Variants in RSRC1 observed in about 807,000 individuals in gnomAD.
The protein encoded by RSRC1 is serine/Arginine-related protein 53.
Under a neutral mutation model 49.1 loss-of-function variants are expected in RSRC1, and 39 were observed. The observed-to-expected ratio is 0.79, with a 90% CI of 0.61 to 1.04. RSRC1 has a LOEUF of 1.04. RSRC1 is among the 50% of genes least tolerant of loss of function. RSRC1 has a pLI of 0.00. For missense variants in RSRC1, 388 were observed against 402.4 expected (o/e 0.96, Z 0.31); for synonymous variants, 143 against 130.8 (o/e 1.09, Z -0.63).
At chr3:158,350,778 A>G (rs1730829094) in intron 5 of RSRC1, among the ~76,000 whole-genome samples, 1 of 152,160 alleles carries the variant, frequency 6.6e-6, no homozygotes. Flanking sequence ...TCATTAAGGT[A>G]TAATTTCTGG....
At chr3:158,346,072 G>A (rs2108223881) in intron 5 of RSRC1, among the ~76,000 whole-genome samples, 1 of 152,124 alleles carries the variant, frequency 6.6e-6, no homozygotes, top group East Asian at 1.9e-4. Flanking sequence ...AAACTTCTAG[G>A]TATAAATACA....
intron 3 of RSRC1, among the ~76,000 whole-genome samples, chr3:158,175,089 A>G (rs778776719): frequency 6.6e-5 from 10 of 151,980 alleles, no homozygotes; most frequent in Non-Finnish European, 1.2e-4. Context: ...GCACATTTTC[A>G]TGTTTTAGTT....
intron 6 of RSRC1, among the ~76,000 whole-genome samples, chr3:158,357,893 T>G (rs1731245039): frequency 6.6e-6 from 1 of 152,212 alleles, no homozygotes. Context: ...GCAGCATAAC[T>G]TGATAGATAA....
chr3:158,345,063 TA>T (rs764384812), intron 5 of RSRC1, among the ~76,000 whole-genome samples: 6,903 of 135,200 alleles, frequency 0.051, 180 homozygotes, highest in East Asian at 0.11. Flanking sequence ...TACTAAAAAA[TA>T]AAAAAAAAAA....
At chr3:158,127,299 A>G (rs149893515) in intron 3 of RSRC1, among the ~76,000 whole-genome samples, 5 of 152,224 alleles carry the variant, frequency 3.3e-5, no homozygotes, top group Non-Finnish European at 7.4e-5. Context: ...CTATAACTCC[A>G]TAATACGTAT....
At chr3:158,522,886 T>C (rs899685519) in intron 7 of RSRC1, among the ~76,000 whole-genome samples, 19 of 152,070 alleles carry the variant, frequency 1.2e-4, no homozygotes, top group African/African-American at 4.8e-5. Context: ...CAGTGACACC[T>C]GAATACATTT....
At chr3:158,232,549 A>G (rs1349553528) in intron 4 of RSRC1, among the ~76,000 whole-genome samples, 1 of 152,200 alleles carries the variant, frequency 6.6e-6, no homozygotes, top group Non-Finnish European at 1.5e-5. Context: ...AAACAAGTAT[A>G]TAGAACCTTG....
intron 1 of RSRC1, among the ~76,000 whole-genome samples, chr3:158,113,422 G>A (rs376746242): frequency 3.4e-5 from 5 of 148,818 alleles, no homozygotes; most frequent in Non-Finnish European, 7.4e-5. Context: ...AGGCTGGAGT[G>A]CAGTGGTGCG....
chr3:158,190,383 T>C (rs1720166938), intron 3 of RSRC1, among the ~76,000 whole-genome samples: 1 of 151,950 alleles, frequency 6.6e-6, no homozygotes, highest in South Asian at 2.1e-4. Flanking sequence ...CTCTTCTTTC[T>C]ATAACTTTTT....
chr3:158,227,582 T>G (rs1484951282), intron 4 of RSRC1, among the ~76,000 whole-genome samples: 1 of 152,026 alleles, frequency 6.6e-6, no homozygotes, highest in Non-Finnish European at 1.5e-5. Context: ...ACACTGATAC[T>G]CTTTTACTGT....
intron 5 of RSRC1, among the ~76,000 whole-genome samples, chr3:158,333,738 G>C (rs533462981): frequency 6.6e-6 from 1 of 152,190 alleles, no homozygotes; most frequent in South Asian, 2.1e-4. Context: ...AACACAGAAG[G>C]TTTTGTCAAG....
chr3:158,211,294 A>G (rs531355801), intron 4 of RSRC1, among the ~76,000 whole-genome samples: 22 of 152,090 alleles, frequency 1.4e-4, no homozygotes, highest in African/African-American at 4.6e-4. Context: ...CTGAGGGATG[A>G]TTGTTTTTAA....
rs139882516 is a variant in RSRC1, at chr3:158,252,918, A to G, written c.495-45121A>G. On this transcript the variant is annotated intron_variant, in intron 4 of 9. Coordinates refer to ENST00000611884, the MANE Select transcript of RSRC1 (RefSeq NM_001271838.2). ...TATTGATCCTTTAAATGTCTGTGGT[A>G]TCAGTTGTAGTGTCTCCTTTTTCAT... Among the ~76,000 whole-genome samples, 672 of 152,160 alleles carry G rather than the reference A, an allele frequency of 4.4e-3. 1 individual carries two copies. Among genetic ancestry groups the G allele is most frequent in the Non-Finnish European group, 8.0e-3 (547 of 67,998 alleles).
intron 7 of RSRC1, among the ~76,000 whole-genome samples, chr3:158,464,718 A>C (rs1174886889): frequency 6.6e-6 from 1 of 152,098 alleles, no homozygotes; most frequent in African/African-American, 2.4e-5. Flanking sequence ...ACTGAAAGGC[A>C]AGGTGGTTGC....
chr3:158,148,489 A>G (rs898161168), intron 3 of RSRC1, among the ~76,000 whole-genome samples: 2 of 152,028 alleles, frequency 1.3e-5, no homozygotes, highest in African/African-American at 4.8e-5. Flanking sequence ...CTGGATTTCA[A>G]TCCCTTTTTC....
chr3:158,220,722 A>C (rs548228829), intron 4 of RSRC1, among the ~76,000 whole-genome samples: 1 of 151,490 alleles, frequency 6.6e-6, no homozygotes, highest in Non-Finnish European at 1.5e-5. Flanking sequence ...TGGTCCTTTT[A>C]ATCTGCCCAT....
chr3:158,469,416 C>G, intron 7 of RSRC1: 1 of 438,910 alleles, frequency 2.3e-6, no homozygotes, highest in Admixed American at 2.6e-5. Context: ...TATATGATTC[C>G]TGTCTGTGGA....
chr3:158,437,578 A>G (rs1414773868), intron 6 of RSRC1, among the ~76,000 whole-genome samples: 1 of 152,144 alleles, frequency 6.6e-6, no homozygotes, highest in African/African-American at 2.4e-5. Flanking sequence ...AATTATCTCC[A>G]TAGTGCAGAA....
intron 7 of RSRC1, among the ~76,000 whole-genome samples, chr3:158,475,636 C>T (rs185160451): frequency 4.9e-4 from 74 of 152,130 alleles, no homozygotes; most frequent in Middle Eastern, 6.8e-3. Flanking sequence ...TGATTTGGGG[C>T]ATGATGAACT....
Sources: allele counts gnomAD v4.1 joint callset (sites outside exome capture counted in the v4.1 genomes callset), GRCh38; gene constraint gnomAD v4.1.1; transcripts MANE v1.5; gene names NCBI Gene and HGNC (gene_info 2026-07-23, HGNC 2026-07-21).